Variants in DENND6A observed in about 807,000 individuals in gnomAD.
DENND6A encodes DENN domain containing 6A.
In DENND6A, 43 loss-of-function variants were observed where a neutral mutation model predicts 95.5. That is an observed-to-expected ratio of 0.45 (90% CI 0.35 to 0.58). The LOEUF (loss-of-function observed/expected upper bound fraction) is 0.58, where lower values mean the gene tolerates loss of function less well. Ranked by LOEUF, DENND6A falls within the 20% of genes least tolerant of loss-of-function variation. DENND6A has a pLI of 0.00. For synonymous variants in DENND6A, 257 were observed against 260.4 expected (o/e 0.99, Z 0.13); for missense variants, 574 against 736.0 (o/e 0.78, Z 2.55).
intron 14 of DENND6A, among the ~76,000 whole-genome samples, chr3:57,633,982 C>T (rs376400837): frequency 9.9e-5 from 15 of 151,880 alleles, no homozygotes; most frequent in African/African-American, 3.6e-4. Flanking sequence ...GGTAACAGTC[C>T]CCTACTGTTA....
intron 11 of DENND6A, 83 bp downstream of exon 11, chr3:57,645,578 A>G (rs1412665720): frequency 9.8e-7 from 1 of 1,022,954 alleles, no homozygotes; most frequent in African/African-American, 1.6e-5. Context: ...CATTCTGCCT[A>G]TAAGCTTTTA....
At chr3:57,647,607 A>G (rs1395024840) in intron 9 of DENND6A, among the ~76,000 whole-genome samples, 3 of 152,142 alleles carry the variant, frequency 2.0e-5, no homozygotes, top group Non-Finnish European at 4.4e-5. Flanking sequence ...CAAAGACAGA[A>G]TGAGTTGAGG....
chr3:57,631,201 A>AT (rs1445787633), intron 15 of DENND6A: 2 of 498,592 alleles, frequency 4.0e-6, no homozygotes, highest in Admixed American at 3.7e-5. Flanking sequence ...AGGGGACTAC[A>AT]TTTTTTCTTT....
chr3:57,629,788 C>CT (rs1351234862), intron 18 of DENND6A, among the ~76,000 whole-genome samples: 1 of 151,842 alleles, frequency 6.6e-6, no homozygotes, highest in African/African-American at 2.4e-5. Flanking sequence ...TCCCAAAGTG[C>CT]TGGGATTACA....
At chr3:57,692,463 T>C (rs1378039356) in intron 1 of DENND6A, among the ~76,000 whole-genome samples, 1 of 152,208 alleles carries the variant, frequency 6.6e-6, no homozygotes, top group Non-Finnish European at 1.5e-5. Context: ...GCCTGCGGGC[T>C]TCTCCGGGTG....
rs773951517 is a variant in DENND6A at position 57,672,315 on chromosome 3, A to G, written c.277-17T>C. 3.1e-6 allele frequency: 5 copies of G among 1,609,996 alleles called. No homozygotes were observed. The South Asian group carries it at 5.6e-5, about 18-fold the overall frequency. On this transcript the variant is annotated splice_polypyrimidine_tract_variant and intron_variant, in intron 2 of 19. Transcript: ENST00000311128. ...ATTGGTTTTCTGAAAAAGAAAACAA[A>G]AGTGATGTATGCTGACACATACATA...
chr3:57,634,658 C>A, intron 13 of DENND6A, 36 bp from the exon 14 acceptor site: 1 of 1,490,512 alleles, frequency 6.7e-7, no homozygotes, highest in Admixed American at 2.3e-5. Flanking sequence ...CAAAAAAACC[C>A]AAGTACCATA....
Position 57,628,882 on chromosome 3 carries a change from A to G in DENND6A, c.1624T>C (p.Leu542=). The change falls in exon 19 of 20, where the codon TTA becomes CTA. Residue 542 remains leucine (L), a synonymous_variant. Coordinates refer to ENST00000311128, the MANE Select transcript of DENND6A (RefSeq NM_152678.3). ...GTGTGTTTCTGGATCCAGAGAAGTA[A>G]GTCCTAGAATAAATAAAGTCCCAAA... is the stretch of plus-strand genomic sequence containing the variant. ...LHLEALCEED[L]LLWIQKHTEV... The G allele has an allele frequency of 6.2e-7, 1 of 1,611,888 alleles. No homozygotes were observed. The highest frequency in any genetic ancestry group is 2.2e-5 in the East Asian group (1 of 44,788).
chr3:57,678,310 A>G (rs1392711190), intron 1 of DENND6A, among the ~76,000 whole-genome samples: 1 of 152,168 alleles, frequency 6.6e-6, no homozygotes, highest in Non-Finnish European at 1.5e-5. Context: ...AACAGCTACT[A>G]TTTTCTTCTG....
chr3:57,644,970 G>A (rs1030997011), intron 11 of DENND6A, among the ~76,000 whole-genome samples: 1 of 151,968 alleles, frequency 6.6e-6, no homozygotes, highest in Admixed American at 6.6e-5. Flanking sequence ...AAATCAGGAA[G>A]TGGAGATCGT....
At chr3:57,674,767 A>C (rs1185684153) in intron 1 of DENND6A, among the ~76,000 whole-genome samples, 1 of 152,278 alleles carries the variant, frequency 6.6e-6, no homozygotes, top group Non-Finnish European at 1.5e-5. Context: ...TGGTACATAT[A>C]TACCACGAAA....
chr3:57,658,220 AG>A (rs2071363398), intron 8 of DENND6A, among the ~76,000 whole-genome samples: 1 of 150,822 alleles, frequency 6.6e-6, no homozygotes, highest in Non-Finnish European at 1.5e-5. Context: ...TAGGTGACAG[AG>A]CGAGACTCCA....
chr3:57,650,112 A>G (rs1228647419), intron 9 of DENND6A, among the ~76,000 whole-genome samples: 1 of 152,082 alleles, frequency 6.6e-6, no homozygotes, highest in Non-Finnish European at 1.5e-5. Flanking sequence ...CATAAGAATG[A>G]TACTATGAAC....
At chr3:57,692,743 A>T (rs545101468) in intron 1 of DENND6A, 39 bp downstream of exon 1, 2 of 1,397,614 alleles carry the variant, frequency 1.4e-6, no homozygotes, top group East Asian at 6.1e-5. Context: ...GCCCCGGCGC[A>T]GGGGAGGAGC....
chr3:57,642,028 C>A (rs1289893614), intron 11 of DENND6A, among the ~76,000 whole-genome samples: 1 of 152,034 alleles, frequency 6.6e-6, no homozygotes, highest in East Asian at 1.9e-4. Context: ...AAATGCACAA[C>A]AATTAGCCGA....
chr3:57,651,194 G>A (rs934968041), intron 9 of DENND6A, among the ~76,000 whole-genome samples: 4 of 152,178 alleles, frequency 2.6e-5, no homozygotes, highest in African/African-American at 4.8e-5. Context: ...AAAGCAGTAC[G>A]CATTCAGTAT....
intron 11 of DENND6A, among the ~76,000 whole-genome samples, chr3:57,643,019 AAAAG>A (rs199506442): frequency 0.17 from 24,633 of 148,396 alleles, 2,163 homozygotes; most frequent in African/African-American, 0.23. Flanking sequence ...AAAAAAAAAA[AAAAG>A]AAAGATCACT....
At chr3:57,688,560 G>A (rs1167693464) in intron 1 of DENND6A, among the ~76,000 whole-genome samples, 1 of 151,930 alleles carries the variant, frequency 6.6e-6, no homozygotes, top group African/African-American at 2.4e-5. Context: ...AAAAGAGTTT[G>A]GCTAAAATTA....
chr3:57,654,156 C>T (rs545973920), intron 9 of DENND6A, among the ~76,000 whole-genome samples: 39 of 151,306 alleles, frequency 2.6e-4, no homozygotes, highest in Middle Eastern at 3.4e-3. Flanking sequence ...GGGGTTTCAC[C>T]GTGTTAGCCA....
Sources: allele counts gnomAD v4.1 joint callset (sites outside exome capture counted in the v4.1 genomes callset), GRCh38; gene constraint gnomAD v4.1.1; transcripts MANE v1.5; gene names NCBI Gene and HGNC (gene_info 2026-07-23, HGNC 2026-07-21).